RTL4: variants seen among roughly 807,000 people sequenced by gnomAD.
RTL4 encodes retrotransposon Gag-like protein 4.
Under a neutral mutation model 5.3 loss-of-function variants are expected in RTL4, and 4 were observed. The observed-to-expected ratio is 0.75, with a 90% CI of 0.37 to 1.72. The LOEUF is 1.72. RTL4 is among the 40% of genes most tolerant of loss of function. The probability of loss-of-function intolerance (pLI) is 0.04; values close to 1 mark genes in which losing one functional copy is unlikely to be tolerated. For missense variants in RTL4, 260 were observed against 227.1 expected (o/e 1.14, Z -0.93); for synonymous variants, 98 against 87.3 (o/e 1.12, Z -0.68).
chrX:112,235,224 C>T, the RTL4 span, among the ~76,000 whole-genome samples: 1 of 111,787 alleles, frequency 8.9e-6, no homozygotes, highest in African/African-American at 3.3e-5. Context: ...TATCAATGGA[C>T]TCAGTCAAAG....
At chrX:112,418,873 C>T in the RTL4 span, among the ~76,000 whole-genome samples, 1 of 109,373 alleles carries the variant, frequency 9.1e-6, no homozygotes, top group Non-Finnish European at 1.9e-5. Context: ...ATTTTACTTC[C>T]ACTCCAAATT....
At chrX:112,194,645 T>A in the RTL4 span, among the ~76,000 whole-genome samples, 1 of 111,826 alleles carries the variant, frequency 8.9e-6, no homozygotes, top group Non-Finnish European at 1.9e-5. Context: ...AACCTGAAAA[T>A]GTACTAGAGC....
chrX:112,384,278 T>G, the RTL4 span, among the ~76,000 whole-genome samples: 7 of 112,517 alleles, frequency 6.2e-5, no homozygotes, highest in African/African-American at 2.3e-4. Flanking sequence ...ATGAAGTCTT[T>G]GCCCATGCCT....
chrX:112,416,319 C>T, the RTL4 span, among the ~76,000 whole-genome samples: 1 of 111,818 alleles, frequency 8.9e-6, no homozygotes, highest in African/African-American at 3.3e-5. Flanking sequence ...GGAGTTAGGA[C>T]TTCAATATAG....
At chrX:112,288,588 T>A in the RTL4 span, among the ~76,000 whole-genome samples, 4 of 112,331 alleles carry the variant, frequency 3.6e-5, no homozygotes, top group South Asian at 1.5e-3. Flanking sequence ...AATCTGGGTA[T>A]GCTAGATTAT....
chrX:112,239,283 G>C, the RTL4 span, among the ~76,000 whole-genome samples: 34 of 111,143 alleles, frequency 3.1e-4, no homozygotes, highest in African/African-American at 1.1e-3. Flanking sequence ...TGTCAGTGGG[G>C]CCTAGTGGGG....
the RTL4 span, among the ~76,000 whole-genome samples, chrX:112,141,430 G>A: frequency 9.0e-6 from 1 of 111,132 alleles, no homozygotes; most frequent in Non-Finnish European, 1.9e-5. Context: ...CCTAAATATA[G>A]TTGCTATATC....
At chrX:112,358,854 G>T in the RTL4 span, among the ~76,000 whole-genome samples, 1 of 111,796 alleles carries the variant, frequency 8.9e-6, no homozygotes, top group Non-Finnish European at 1.9e-5. Context: ...AATCACTTTG[G>T]TTAGGGGAAT....
At chrX:112,161,062 A>G in the RTL4 span, among the ~76,000 whole-genome samples, 1 of 111,952 alleles carries the variant, frequency 8.9e-6, no homozygotes, top group African/African-American at 3.2e-5. Flanking sequence ...GTCTCACAGT[A>G]AAAATGATAG....
At chrX:112,436,811 T>C in the RTL4 span, among the ~76,000 whole-genome samples, 2 of 111,077 alleles carry the variant, frequency 1.8e-5, no homozygotes, top group East Asian at 2.9e-4. Context: ...CACAAAACAG[T>C]CCTTAAACAT....
the RTL4 span, among the ~76,000 whole-genome samples, chrX:112,303,773 TAAAAAAAAAGAATTTA>T: frequency 2.9e-5 from 3 of 103,899 alleles, no homozygotes; most frequent in Non-Finnish European, 5.9e-5. Context: ...TAAAAAAAAT[TAAAAAAAAAGAATTTA>T]AAAAAAAAAG....
chrX:112,165,191 T>C, the RTL4 span, among the ~76,000 whole-genome samples: 1 of 112,156 alleles, frequency 8.9e-6, no homozygotes, highest in African/African-American at 3.2e-5. Context: ...ACACTCAGAA[T>C]CCATATAGCA....
chrX:112,220,687 T>C, the RTL4 span, among the ~76,000 whole-genome samples: 3 of 112,337 alleles, frequency 2.7e-5, no homozygotes, highest in Non-Finnish European at 5.6e-5. Flanking sequence ...AGATAATCTC[T>C]CTCAAGTTCA....
chrX:112,413,486 T>C, the RTL4 span, among the ~76,000 whole-genome samples: 27 of 111,403 alleles, frequency 2.4e-4, no homozygotes, highest in East Asian at 7.0e-3. Context: ...ATAAAGAAAA[T>C]ATGGTACATA....
the RTL4 span, among the ~76,000 whole-genome samples, chrX:112,377,269 A>G: frequency 2.7e-5 from 3 of 112,091 alleles, no homozygotes; most frequent in African/African-American, 9.7e-5. Context: ...CAATAAACCC[A>G]TCATAAGTTG....
chrX:112,122,052 G>C, the RTL4 span, among the ~76,000 whole-genome samples: 1 of 111,417 alleles, frequency 9.0e-6, no homozygotes, highest in African/African-American at 3.3e-5. Context: ...GTTTGAGACA[G>C]GGATGCCACT....
chrX:112,420,036 C>T, the RTL4 span, among the ~76,000 whole-genome samples: 4 of 107,090 alleles, frequency 3.7e-5, no homozygotes, highest in African/African-American at 1.4e-4. Context: ...GTGGCTGTGA[C>T]TTTTTTTTTT....
At chrX:112,249,670 T>C in the RTL4 span, among the ~76,000 whole-genome samples, 2 of 109,649 alleles carry the variant, frequency 1.8e-5, no homozygotes, top group Non-Finnish European at 3.8e-5. Flanking sequence ...ATTTCCTGAT[T>C]CTCAGGCCTT....
At chrX:112,226,807 G>A in the RTL4 span, among the ~76,000 whole-genome samples, 5 of 108,225 alleles carry the variant, frequency 4.6e-5, no homozygotes, top group Non-Finnish European at 7.6e-5. Context: ...GTGGTGGTGC[G>A]TGCCTGTAAT....
Sources: gnomAD v4.1 joint callset for allele counts (sites outside exome capture counted in the v4.1 genomes callset) on GRCh38, gnomAD v4.1.1 for gene constraint, MANE v1.5 for transcripts, NCBI Gene and HGNC (gene_info 2026-07-23, HGNC 2026-07-21) for gene names.